Variants in MEGF6 observed in about 807,000 individuals in gnomAD.
The protein encoded by MEGF6 is multiple epidermal growth factor-like domains protein 6.
Under a neutral mutation model 207.1 loss-of-function variants are expected in MEGF6, and 184 were observed. The ratio of observed to expected loss-of-function variants is 0.89; its 90% CI spans 0.79 to 1.00. The LOEUF (loss-of-function observed/expected upper bound fraction) is 1.00, where lower values mean the gene tolerates loss of function less well. Among genes scored for constraint, MEGF6 ranks in the 50% least tolerant of loss-of-function variants. The probability of loss-of-function intolerance (pLI) is 0.00; values close to 1 mark genes in which losing one functional copy is unlikely to be tolerated. For missense variants in MEGF6, 2,282 were observed against 2,202.9 expected, an observed-to-expected ratio of 1.04 and a Z score of -0.72; for synonymous variants, 1,038 against 910.0, an observed-to-expected ratio of 1.14 and a Z score of -2.53.
intron 3 of MEGF6, among the ~76,000 whole-genome samples, chr1:3,587,543 C>A (rs1009813348): frequency 6.6e-6 from 1 of 152,240 alleles, no homozygotes; most frequent in Non-Finnish European, 1.5e-5. Flanking sequence ...TGTGGAGCGG[C>A]GGGAGCCTGC....
At chr1:3,589,198 G>C (rs1643939285) in intron 3 of MEGF6, among the ~76,000 whole-genome samples, 1 of 152,012 alleles carries the variant, frequency 6.6e-6, no homozygotes, top group Admixed American at 6.5e-5. Context: ...CGCGGAAGCT[G>C]GAAGAGATAG....
At chr1:3,512,837 C>G (rs1641401226) in intron 7 of MEGF6, among the ~76,000 whole-genome samples, 1 of 152,216 alleles carries the variant, frequency 6.6e-6, no homozygotes, top group South Asian at 2.1e-4. Flanking sequence ...AAACTGACCA[C>G]TGCCTGGTCT....
At position 3,505,423 on chromosome 1, in the gene MEGF6, T is replaced by C; in HGVS notation, c.2052A>G (p.Ala684=). ...CCCAGACCCCATGCCTGGACTCACC[T>C]GCCTGACAGCGCTCGCCCCGGAAGC... is the stretch of plus-strand genomic sequence containing the variant. ...KAGFRGERCQ[A]ECELGYFGPG... Residue 684 remains alanine (A), a splice_region_variant and synonymous_variant, in exon 16 of 37, where the codon GCA becomes GCG. Transcript: ENST00000356575. 6.3e-7 allele frequency: 1 copy of C among 1,581,950 alleles called. No individual in the cohort carries two copies. Among genetic ancestry groups the C allele is most frequent in the South Asian group, 1.1e-5 (1 of 90,308 alleles).
intron 24 of MEGF6, 100 bp from the exon 25 acceptor site, chr1:3,498,926 A>C: frequency 1.4e-6 from 2 of 1,474,036 alleles, no homozygotes; most frequent in Non-Finnish European, 9.1e-7. Context: ...GGGGTCAGGC[A>C]CCTTGCAGGG....
In MEGF6 at chr1:3,488,440, T is replaced by G. The variant is rs774730601; in HGVS notation, c.*2088A>C. On this transcript the variant is annotated 3_prime_UTR_variant, in exon 37 of 37. Transcript: ENST00000356575. ...TGGGGAGTAATGGTGATATTCTGAC[T>G]CTCTGAATTCCTAGGCCATTTGGGA... 3.9e-5 allele frequency among the ~76,000 whole-genome samples: 6 copies of G among 152,294 alleles called. No homozygotes were observed. In the South Asian group the frequency reaches 1.2e-3, roughly 32 times the overall value.
chr1:3,493,905 G>T lies in MEGF6; in HGVS notation c.4259-6C>A. ...AAATGAACCTGGCTCACACCCTGGTGGGGGCAGTGGGCTCAGTGTCCCCCT... is the reference window on the plus strand; with the variant it reads ...AAATGAACCTGGCTCACACCCTGGTTGGGGCAGTGGGCTCAGTGTCCCCCT... On this transcript the variant is annotated splice_polypyrimidine_tract_variant and splice_region_variant and intron_variant, in intron 33 of 36. Coordinates refer to ENST00000356575, the MANE Select transcript of MEGF6 (RefSeq NM_001409.4). 1 of 1,587,446 alleles carries T rather than the reference G, an allele frequency of 6.3e-7. No homozygotes were observed. The highest frequency in any genetic ancestry group is 8.6e-7 in the Non-Finnish European group (1 of 1,167,478).
chr1:3,531,030 G>A (rs938374746), intron 4 of MEGF6: 17 of 1,438,638 alleles, frequency 1.2e-5, no homozygotes, highest in Non-Finnish European at 1.5e-5. Flanking sequence ...GGAGCGCGCC[G>A]GGGAGCGCCC....
At chr1:3,526,865 G>A (rs1641984953) in intron 4 of MEGF6, among the ~76,000 whole-genome samples, 1 of 152,222 alleles carries the variant, frequency 6.6e-6, no homozygotes. Context: ...CTCTGGCCAG[G>A]GTGACAATGG....
intron 4 of MEGF6, among the ~76,000 whole-genome samples, chr1:3,575,490 G>A (rs1643615329): frequency 6.6e-6 from 1 of 152,164 alleles, no homozygotes; most frequent in Non-Finnish European, 1.5e-5. Context: ...TACCCCAAGA[G>A]CCAGGGTATT....
chr1:3,584,440 C>T (rs976799218), intron 3 of MEGF6, among the ~76,000 whole-genome samples: 1 of 152,220 alleles, frequency 6.6e-6, no homozygotes, highest in African/African-American at 2.4e-5. Flanking sequence ...GGGTGACCAC[C>T]AGGCGGATCA....
At chr1:3,517,559 T>A (rs2794361) in intron 5 of MEGF6, among the ~76,000 whole-genome samples, 11,634 of 152,266 alleles carry the variant, frequency 0.076, 620 homozygotes, top group South Asian at 0.15. Flanking sequence ...AGCGCTGGGA[T>A]ATGCAGCTCA....
At chr1:3,523,443 C>G (rs1036461180) in intron 5 of MEGF6, among the ~76,000 whole-genome samples, 17 of 152,288 alleles carry the variant, frequency 1.1e-4, no homozygotes, top group Admixed American at 4.6e-4. Flanking sequence ...CCCTCCCTCC[C>G]TGCGGCCACA....
intron 4 of MEGF6, 99 bp downstream of exon 4, chr1:3,579,726 C>T (rs1643745262): frequency 1.2e-6 from 1 of 801,904 alleles, no homozygotes; most frequent in Admixed American, 4.1e-5. Context: ...GTGTCCCCTA[C>T]ACAGCTGTGC....
chr1:3,586,433 G>A (rs956288309), intron 3 of MEGF6, among the ~76,000 whole-genome samples: 10 of 152,212 alleles, frequency 6.6e-5, no homozygotes, highest in African/African-American at 1.2e-4. Flanking sequence ...GAGTGAGCTC[G>A]TCTGGTGGGC....
chr1:3,520,259 T>C (rs1370552099), intron 5 of MEGF6, among the ~76,000 whole-genome samples: 1 of 152,192 alleles, frequency 6.6e-6, no homozygotes, highest in African/African-American at 2.4e-5. Context: ...TCCGGGGTCA[T>C]GCGCGGGCAT....
intron 5 of MEGF6, among the ~76,000 whole-genome samples, chr1:3,523,566 C>T (rs932854191): frequency 2.0e-5 from 3 of 152,186 alleles, no homozygotes; most frequent in African/African-American, 7.2e-5. Flanking sequence ...CTGCCACAGC[C>T]CACACCCTCC....
At chr1:3,538,459 A>C (rs933416395) in intron 4 of MEGF6, among the ~76,000 whole-genome samples, 20 of 152,070 alleles carry the variant, frequency 1.3e-4, no homozygotes, top group Non-Finnish European at 2.6e-4. Flanking sequence ...AATTGAAACC[A>C]CCGCTGTTTC....
chr1:3,491,758 G>A (rs921946351), intron 35 of MEGF6, among the ~76,000 whole-genome samples: 7 of 146,708 alleles, frequency 4.8e-5, no homozygotes, highest in South Asian at 2.2e-4. Context: ...ACCGCTGGGG[G>A]GTACACGGTG....
chr1:3,515,344 G>A (rs1177844692), intron 6 of MEGF6, 58 bp downstream of exon 6: 23 of 1,558,056 alleles, frequency 1.5e-5, no homozygotes, highest in Middle Eastern at 1.9e-4. Context: ...CAGCCCAGGC[G>A]AGGCAGCTTG....
Sources: allele counts gnomAD v4.1 joint callset (sites outside exome capture counted in the v4.1 genomes callset), GRCh38; gene constraint gnomAD v4.1.1; transcripts MANE v1.5; gene names NCBI Gene and HGNC (gene_info 2026-07-23, HGNC 2026-07-21).